Variants in PTDSS2 observed in about 807,000 individuals in gnomAD.
PTDSS2 encodes PSS-2.
In PTDSS2, 41 loss-of-function variants were observed where a neutral mutation model predicts 64.7. The ratio of observed to expected loss-of-function variants is 0.63; its 90% confidence interval spans 0.49 to 0.82. The LOEUF is 0.82. PTDSS2 is among the 40% of genes least tolerant of loss of function. PTDSS2 has a pLI of 0.00. For synonymous variants in PTDSS2, 297 were observed against 277.8 expected, an observed-to-expected ratio of 1.07 and a Z score of -0.69; for missense variants, 485 against 650.0, an observed-to-expected ratio of 0.75 and a Z score of 2.76.
intron 1 of PTDSS2, among the ~76,000 whole-genome samples, chr11:453,279 G>A (rs888014676): frequency 1.3e-5 from 2 of 152,190 alleles, no homozygotes; most frequent in East Asian, 1.9e-4. Context: ...AGCCCTGTGC[G>A]AAGATGTGGC....
intron 4 of PTDSS2, among the ~76,000 whole-genome samples, chr11:482,993 G>A (rs1325895835): frequency 6.8e-5 from 9 of 131,538 alleles, no homozygotes; most frequent in Admixed American, 1.5e-4. Flanking sequence ...TGAGTTTTTC[G>A]TAGATCTCCC....
chr11:484,281 T>C (rs1234729664), intron 4 of PTDSS2, among the ~76,000 whole-genome samples: 3 of 152,228 alleles, frequency 2.0e-5, no homozygotes, highest in African/African-American at 7.2e-5. Flanking sequence ...TCTGAGGACA[T>C]CCTGACTTCC....
rs538566900 is a variant in PTDSS2, at chr11:460,470, G to T, written c.284+182G>T. The T allele has an allele frequency of 3.5e-6, 2 of 576,360 alleles. No homozygotes were observed. Among genetic ancestry groups the T allele is most frequent in the South Asian group, 2.1e-5 (1 of 48,102 alleles). The allele number at this position is 576,360 out of a possible 1,614,324, so 35.7% of individuals were successfully genotyped here. On this transcript the variant is annotated intron_variant, in intron 2 of 11. Transcript: ENST00000308020. The surrounding 1 kb of genome is among the most constrained non-coding windows in gnomAD (Gnocchi z 5.8). ...ACTCCAGGGCTGCCCTTGGTGCTGC[G>T]TGGCGTTCCCGGTCAGCCCCCGTCG...
At chr11:459,954 G>A (rs148871453) in intron 1 of PTDSS2, 8 of 521,722 alleles carry the variant, frequency 1.5e-5, no homozygotes, top group African/African-American at 5.7e-5. Context: ...CCAGGAACAC[G>A]GGGCTCTTCC....
chr11:487,257 G>C (rs2301171), intron 5 of PTDSS2, 163 bp from the exon 6 acceptor site: 169,690 of 907,834 alleles, frequency 0.19, 16,645 homozygotes, highest in African/African-American at 0.29. Flanking sequence ...CTGCTCTCTA[G>C]GCTGTCGTGG....
chr11:475,198 T>TGGACACATTCACGTGTTTGTGTGTA (rs1847710198), intron 3 of PTDSS2, among the ~76,000 whole-genome samples: 1 of 95,322 alleles, frequency 1.0e-5, no homozygotes, highest in African/African-American at 4.5e-5. Flanking sequence ...GTTTATGATA[T>TGGACACATTCACGTGTTTGTGTGTA]GGACATAATC....
chr11:468,574 T>C (rs999073336), intron 2 of PTDSS2, among the ~76,000 whole-genome samples: 1 of 152,188 alleles, frequency 6.6e-6, no homozygotes, highest in Non-Finnish European at 1.5e-5. Flanking sequence ...CTGAGTAACT[T>C]TGGAAATGAG....
At position 490,074 on chromosome 11, in the gene PTDSS2, T is replaced by G; in HGVS notation, c.1301+6T>G. The G allele has an allele frequency of 6.2e-7, 1 of 1,602,850 alleles. No individual in the cohort carries two copies. The highest frequency in any genetic ancestry group is 8.5e-7 in the Non-Finnish European group (1 of 1,177,656). Reference sequence around the variant, plus strand: ...GTCTGGCGCTTCTTCCTGCGGTGAGTCAGGGCAGGGCGCGTATGTTCTGAA... The same window carrying G: ...GTCTGGCGCTTCTTCCTGCGGTGAGGCAGGGCAGGGCGCGTATGTTCTGAA... On this transcript the variant is annotated splice_donor_region_variant and intron_variant, in intron 11 of 11. Coordinates refer to ENST00000308020, the MANE Select transcript of PTDSS2 (RefSeq NM_030783.3).
intron 3 of PTDSS2, among the ~76,000 whole-genome samples, chr11:475,742 A>C (rs981325887): frequency 6.6e-6 from 1 of 152,238 alleles, no homozygotes; most frequent in Admixed American, 6.5e-5. Flanking sequence ...CTAATTTTTT[A>C]ACACCCGAAA....
intron 1 of PTDSS2, among the ~76,000 whole-genome samples, chr11:455,933 T>C (rs1846569641): frequency 6.6e-6 from 1 of 152,138 alleles, no homozygotes; most frequent in African/African-American, 2.4e-5. Flanking sequence ...ATGGCTGTGA[T>C]GGCCCAGTGT....
chr11:488,431 C>A (rs1848504837), intron 7 of PTDSS2, 98 bp from the exon 8 acceptor site: 1 of 1,332,350 alleles, frequency 7.5e-7, no homozygotes. Context: ...TGGGTGCAGG[C>A]TGAGGGGCAT....
rs1846962772 is a variant in PTDSS2, at chr11:462,996, GTC to G, written c.284+2712_284+2713del. On this transcript the variant is annotated intron_variant, in intron 2 of 11. Transcript: ENST00000308020. This position sits in a 1 kb window ranked among gnomAD's most constrained non-coding sequence, Gnocchi z 4.5. Reference sequence around the variant, plus strand: ...AACCTAACCAACATGGTGAAATCCTGTCTCTACTAAAAATACAAAAATTAGCC... The same window carrying G: ...AACCTAACCAACATGGTGAAATCCTGTCTACTAAAAATACAAAAATTAGCC... The G allele has an allele frequency of 6.7e-6, 1 of 149,796 alleles. No individual in the cohort carries two copies. Among genetic ancestry groups the G allele is most frequent in the Non-Finnish European group, 1.5e-5 (1 of 67,354 alleles). 9.3% of individuals were successfully genotyped at this position (149,796 alleles called of 1,614,324 possible).
chr11:473,107 C>T (rs1307688189), intron 2 of PTDSS2, among the ~76,000 whole-genome samples: 1 of 152,238 alleles, frequency 6.6e-6, no homozygotes, highest in Middle Eastern at 3.2e-3. Flanking sequence ...TCTGCACATC[C>T]GCCGGCCTAA....
chr11:468,995 G>A (rs1847273894), intron 2 of PTDSS2, among the ~76,000 whole-genome samples: 3 of 128,270 alleles, frequency 2.3e-5, no homozygotes, highest in Admixed American at 7.5e-5. Context: ...CTGGGTAATC[G>A]GAAGGAGGAG....
At chr11:452,096 T>C (rs1020753108) in intron 1 of PTDSS2, among the ~76,000 whole-genome samples, 3 of 152,138 alleles carry the variant, frequency 2.0e-5, no homozygotes, top group African/African-American at 7.2e-5. Flanking sequence ...CTGGCTCTTC[T>C]GAGGTCCCGG....
chr11:473,064 C>T (rs1188012798), intron 2 of PTDSS2, among the ~76,000 whole-genome samples: 1 of 152,234 alleles, frequency 6.6e-6, no homozygotes, highest in African/African-American at 2.4e-5. Flanking sequence ...GTGCAGCGAG[C>T]GGATGTGAGC....
At position 489,672 on chromosome 11, in the gene PTDSS2, G is replaced by C. The variant is rs533395899; in HGVS notation, c.1054G>C (p.Val352Leu). ...PEHYLVLLRLVFFVNVGGVAM... is the reference protein window; with the variant it reads ...PEHYLVLLRLLFFVNVGGVAM... Reference sequence around the variant, plus strand: ...GCACTACCTGGTCCTCCTGCGGCTCGTCTTCTTCGTGAACGTGGGTGGCGT... The same window carrying C: ...GCACTACCTGGTCCTCCTGCGGCTCCTCTTCTTCGTGAACGTGGGTGGCGT... The change falls in exon 10 of 12, where the codon GTC (valine) becomes CTC (leucine). Residue 352 changes from valine to leucine, a missense_variant. Transcript: ENST00000308020. The C allele has an allele frequency of 4.4e-6, 7 of 1,597,968 alleles. No homozygotes were observed. The East Asian group carries it at 6.9e-5, about 16-fold the overall frequency.
chr11:453,501 C>G (rs1846443560), intron 1 of PTDSS2, among the ~76,000 whole-genome samples: 1 of 152,186 alleles, frequency 6.6e-6, no homozygotes, highest in Non-Finnish European at 1.5e-5. Context: ...CTCAAATGAG[C>G]CTTCTCAGTG....
chr11:471,881 G>A lies in PTDSS2; in HGVS notation c.285-2014G>A, dbSNP rs370195307. On this transcript the variant is annotated intron_variant, in intron 2 of 11. Transcript: ENST00000308020. ...TGGTGGCCTGGGGTGACGCGCACCT[G>A]TCTGGTGGATGGCGGCCTGGGGTGA... Among the ~76,000 whole-genome samples, 42 of 140,028 alleles carry A rather than the reference G, an allele frequency of 3.0e-4. No individual in the cohort carries two copies. The East Asian group carries it at 6.3e-3, about 21-fold the overall frequency. 91.9% of individuals were successfully genotyped at this position (140,028 alleles called of 152,430 possible). A position where few individuals can be genotyped will look rare whatever the true frequency, so the allele number is the denominator to read the frequency against.
Sources: allele counts gnomAD v4.1 joint callset (sites outside exome capture counted in the v4.1 genomes callset), GRCh38; gene constraint gnomAD v4.1.1; non-coding constraint Gnocchi (gnomAD v3.1); transcripts MANE v1.5; gene names NCBI Gene and HGNC (gene_info 2026-07-23, HGNC 2026-07-21).